AGAP3: variants seen among roughly 807,000 people sequenced by gnomAD.
AGAP3 encodes ArfGAP with GTPase domain, ankyrin repeat and PH domain 3.
Under a neutral mutation model 96.9 loss-of-function variants are expected in AGAP3, and 24 were observed. The observed-to-expected ratio is 0.25, with a 90% CI of 0.18 to 0.35. AGAP3 has a LOEUF of 0.35. Among genes scored for constraint, AGAP3 ranks in the 10% least tolerant of loss-of-function variants. AGAP3 has a pLI of 1.00. For missense variants in AGAP3, 876 were observed against 1,254.2 expected (o/e 0.70, Z 4.55); for synonymous variants, 563 against 536.1 (o/e 1.05, Z -0.69).
chr7:151,136,876 G>A (rs186854456), intron 11 of AGAP3, among the ~76,000 whole-genome samples: 8 of 152,302 alleles, frequency 5.3e-5, no homozygotes, highest in African/African-American at 1.7e-4. Context: ...TCCTGAGGCG[G>A]GACCTGTGAG....
intron 9 of AGAP3, 146 bp from the exon 10 acceptor site, chr7:151,128,434 C>T (rs1039356685): frequency 1.7e-5 from 11 of 632,002 alleles, no homozygotes; most frequent in East Asian, 8.4e-5. Context: ...CCAAGTTCAC[C>T]GATAGGTCCT....
chr7:151,115,890 A>G (rs1012790931), intron 1 of AGAP3, among the ~76,000 whole-genome samples: 4 of 152,192 alleles, frequency 2.6e-5, no homozygotes, highest in African/African-American at 9.6e-5. Flanking sequence ...GCTCTGGGCT[A>G]GGCCAGACAC....
Position 151,134,342 on chromosome 7 carries a change from A to C in AGAP3, c.1327-58A>C, listed in dbSNP as rs1184546583. ...GAGAGACCTAGGAGTTGCAAGGCTC[A>C]ACGCTGGAGTGACTGCTGCTAACCA... is the stretch of plus-strand genomic sequence containing the variant. On this transcript the variant is annotated intron_variant, in intron 10 of 17. Coordinates refer to ENST00000397238, the MANE Select transcript of AGAP3 (RefSeq NM_031946.7). The C allele has an allele frequency of 9.4e-6, 15 of 1,588,642 alleles. No homozygotes were observed. In the South Asian group the frequency reaches 1.1e-4, roughly 12 times the overall value.
At chr7:151,101,364 AG>A (rs1798828494) in intron 1 of AGAP3, among the ~76,000 whole-genome samples, 1 of 152,140 alleles carries the variant, frequency 6.6e-6, no homozygotes, top group African/African-American at 2.4e-5. Context: ...TCTCCTTCTG[AG>A]GCGGGTGTAT....
intron 12 of AGAP3, 95 bp downstream of exon 12, chr7:151,138,408 T>TG: frequency 7.2e-7 from 1 of 1,393,686 alleles, no homozygotes; most frequent in Non-Finnish European, 9.6e-7. Flanking sequence ...GAGGCTGCAG[T>TG]GGGACAGTGT....
chr7:151,086,978 G>A lies in AGAP3; in HGVS notation c.237G>A (p.Val79=). The change falls in exon 1 of 18, where the codon GTG becomes GTA. Residue 79 remains valine (V), a synonymous_variant. Coordinates refer to ENST00000397238, the MANE Select transcript of AGAP3 (RefSeq NM_031946.7). The stretch of plus-strand genomic sequence containing the variant: ...CCGAGATCCAGCGCTTCGAGTCCGT[G>A]CATCCCAATATCTACGCCATCTACG... ...IRAEIQRFES[V]HPNIYAIYDL... 1 of 1,612,974 alleles carries A rather than the reference G, an allele frequency of 6.2e-7. No homozygotes were observed. Among genetic ancestry groups the A allele is most frequent in the Non-Finnish European group, 8.5e-7 (1 of 1,179,574 alleles).
chr7:151,104,647 G>A (rs1435173141), intron 1 of AGAP3, among the ~76,000 whole-genome samples: 1 of 152,208 alleles, frequency 6.6e-6, no homozygotes, highest in Non-Finnish European at 1.5e-5. Context: ...CTGGCGCACA[G>A]GGTGCACCGA....
chr7:151,093,032 C>T (rs11773852), intron 1 of AGAP3, among the ~76,000 whole-genome samples: 40,803 of 152,080 alleles, frequency 0.27, 5,897 homozygotes, highest in Admixed American at 0.4. Flanking sequence ...TGAATGGTGG[C>T]TCTCTGAGGC....
chr7:151,118,389 G>A lies in AGAP3; in HGVS notation c.841+45G>A, dbSNP rs770449667. 5 of 1,596,720 alleles carry A rather than the reference G, an allele frequency of 3.1e-6. No homozygotes were observed. Reference sequence around the variant, plus strand: ...GGAGTCACTGGCAGCCGCGGCCCCAGTGCTGGCGATAGGAAGGCTCCCAGT... The same window carrying A: ...GGAGTCACTGGCAGCCGCGGCCCCAATGCTGGCGATAGGAAGGCTCCCAGT... On this transcript the variant is annotated intron_variant, in intron 6 of 17. Transcript: ENST00000397238. The surrounding 1 kb of genome is among the most constrained non-coding windows in gnomAD (Gnocchi z 6.1).
At position 151,143,874 on chromosome 7, in the gene AGAP3, C is replaced by A. The variant is rs767538099; in HGVS notation, c.2667C>A (p.Thr889=). ...CPGEGCGLAP[T]PNREPANGTN... is the part of the protein sequence containing the mutation. ...GGGAGGGCTGTGGCTTAGCGCCTACCCCCAACAGAGAGCCTGCCAATGGCA... is the reference window on the plus strand; with the variant it reads ...GGGAGGGCTGTGGCTTAGCGCCTACACCCAACAGAGAGCCTGCCAATGGCA... The change falls in exon 18 of 18, where the codon ACC becomes ACA. Residue 889 remains threonine (T), a synonymous_variant. Transcript: ENST00000397238. This position sits in a 1 kb window ranked among gnomAD's most constrained non-coding sequence, Gnocchi z 5.9. 11 of 1,613,990 alleles carry A rather than the reference C, an allele frequency of 6.8e-6. No individual in the cohort carries two copies. The South Asian group carries it at 1.2e-4, about 18-fold the overall frequency.
In AGAP3 at chr7:151,141,120, C is replaced by T. The variant is rs1485703383; in HGVS notation, c.1805-778C>T. 6.6e-6 allele frequency: 1 copy of T among 152,154 alleles called. No homozygotes were observed. Among genetic ancestry groups the T allele is most frequent in the South Asian group, 2.1e-4 (1 of 4,832 alleles). 9.4% of individuals were successfully genotyped at this position (152,154 alleles called of 1,614,324 possible). Reference sequence around the variant, plus strand: ...CAGGCACCTGTGCTGTCTTTCCAGCCCCCAGGACACAGTCACACTGCTTGT... The same window carrying T: ...CAGGCACCTGTGCTGTCTTTCCAGCTCCCAGGACACAGTCACACTGCTTGT... On this transcript the variant is annotated intron_variant, in intron 13 of 17. Coordinates refer to ENST00000397238, the MANE Select transcript of AGAP3 (RefSeq NM_031946.7). The surrounding 1 kb of genome is among the most constrained non-coding windows in gnomAD (Gnocchi z 4.2).
rs571412298 is a variant in AGAP3, at chr7:151,143,940, A to G, written c.2733A>G (p.Leu911=). Residue 911 remains leucine, a synonymous_variant, in exon 18 of 18, where the codon CTA becomes CTG. Coordinates refer to ENST00000397238, the MANE Select transcript of AGAP3 (RefSeq NM_031946.7). This position sits in a 1 kb window ranked among gnomAD's most constrained non-coding sequence, Gnocchi z 5.9. ...SAELHRSPSL[L] is the part of the protein sequence containing the mutation. ...AGCTGCACCGTAGTCCTAGCCTCCT[A>G]TAAGGCCCAGGAAGAGGGCAGAGGG... 3.8e-5 allele frequency: 61 copies of G among 1,613,796 alleles called. No individual in the cohort carries two copies. Among genetic ancestry groups the G allele is most frequent in the Admixed American group, 5.0e-5 (3 of 60,012 alleles).
chr7:151,098,645 G>A (rs1252392639), intron 1 of AGAP3, among the ~76,000 whole-genome samples: 8 of 151,808 alleles, frequency 5.3e-5, no homozygotes, highest in African/African-American at 1.9e-4. Flanking sequence ...AGCAAGACCA[G>A]TCTGTTTAAA....
At position 151,118,396 on chromosome 7, in the gene AGAP3, C is replaced by T. The variant is rs776410148; in HGVS notation, c.841+52C>T. ...CTGGCAGCCGCGGCCCCAGTGCTGG[C>T]GATAGGAAGGCTCCCAGTGAGAGCA... On this transcript the variant is annotated intron_variant, in intron 6 of 17. Coordinates refer to ENST00000397238, the MANE Select transcript of AGAP3 (RefSeq NM_031946.7). This position sits in a 1 kb window ranked among gnomAD's most constrained non-coding sequence, Gnocchi z 6.1. 25 of 1,594,474 alleles carry T rather than the reference C, an allele frequency of 1.6e-5. No homozygotes were observed. In the South Asian group the frequency reaches 2.6e-4, roughly 16 times the overall value.
chr7:151,120,007 C>T lies in AGAP3; in HGVS notation c.990C>T (p.Ser330=), dbSNP rs762184671. ...CTTAGGCCACGAATGGCGGCGGCAGCGCCTTCAGCGACTACTCGTCCTCAG... is the reference window on the plus strand; with the variant it reads ...CTTAGGCCACGAATGGCGGCGGCAGTGCCTTCAGCGACTACTCGTCCTCAG... The part of the protein sequence containing the change: ...HINQATNGGG[S]AFSDYSSSVP... The change falls in exon 8 of 18, where the codon AGC becomes AGT. Residue 330 remains serine (S), a synonymous_variant. Coordinates refer to ENST00000397238, the MANE Select transcript of AGAP3 (RefSeq NM_031946.7). The T allele has an allele frequency of 9.9e-6, 16 of 1,613,312 alleles. No individual in the cohort carries two copies. Among genetic ancestry groups the T allele is most frequent in the Admixed American group, 1.7e-5 (1 of 59,998 alleles).
chr7:151,129,152 G>A (rs916187505), intron 10 of AGAP3, among the ~76,000 whole-genome samples: 2 of 152,106 alleles, frequency 1.3e-5, no homozygotes, highest in African/African-American at 4.8e-5. Context: ...CGTGGCCTGT[G>A]TCCCAGCTGG....
chr7:151,116,753 T>C (rs369739515), intron 1 of AGAP3, 40 bp from the exon 2 acceptor site: 2 of 1,612,128 alleles, frequency 1.2e-6, no homozygotes, highest in African/African-American at 1.3e-5. Flanking sequence ...CAGGTGTGTG[T>C]GCCACCCTGG....
Position 151,106,784 on chromosome 7 carries a change from C to T in AGAP3, c.332-10009C>T, listed in dbSNP as rs552505588. Among the ~76,000 whole-genome samples the T allele has an allele frequency of 4.6e-5, 7 of 152,252 alleles. No individual in the cohort carries two copies. The South Asian group carries it at 1.0e-3, about 23-fold the overall frequency. On this transcript the variant is annotated intron_variant, in intron 1 of 17. Transcript: ENST00000397238. ...CTGAGGTTATAGGAGTGAGCCACCA[C>T]GCCTGGCCTCTCAGGTGCTTTTAAA...
At chr7:151,115,881 C>T (rs1053958928) in intron 1 of AGAP3, among the ~76,000 whole-genome samples, 3 of 152,218 alleles carry the variant, frequency 2.0e-5, no homozygotes, top group Non-Finnish European at 4.4e-5. Context: ...AGTCAGAGGG[C>T]TCTGGGCTAG....
Sources: gnomAD v4.1 joint callset for allele counts (sites outside exome capture counted in the v4.1 genomes callset) on GRCh38, gnomAD v4.1.1 for gene constraint, Gnocchi (gnomAD v3.1) non-coding constraint, MANE v1.5 for transcripts, NCBI Gene and HGNC (gene_info 2026-07-23, HGNC 2026-07-21) for gene names.